The following CABIN1 variants were observed in gnomAD, a reference collection of about 807,000 sequenced individuals.
The protein encoded by CABIN1 is calcineurin binding protein 1, also known as calcineurin-binding protein cabin-1.
A neutral mutation model predicts 227.7 loss-of-function variants in CABIN1; 133 were observed. The observed-to-expected ratio is 0.58, with a 90% confidence interval of 0.51 to 0.67. The LOEUF (loss-of-function observed/expected upper bound fraction) is 0.67, where lower values mean the gene tolerates loss of function less well. CABIN1 is among the 30% of genes least tolerant of loss of function. The pLI is 0.00. For synonymous variants in CABIN1, 1,086 were observed against 1,155.1 expected, an observed-to-expected ratio of 0.94 and a Z score of 1.21; for missense variants, 2,408 against 2,852.5, an observed-to-expected ratio of 0.84 and a Z score of 3.55.
chr22:24,051,074 G>T (rs2038295805), intron 8 of CABIN1, 100 bp downstream of exon 8: 7 of 1,512,270 alleles, frequency 4.6e-6, no homozygotes, highest in Non-Finnish European at 2.7e-6. Flanking sequence ...GCTTGATCCT[G>T]GGTTGGTGGT....
intron 26 of CABIN1, among the ~76,000 whole-genome samples, chr22:24,105,133 CT>C (rs2042438055): frequency 6.6e-6 from 1 of 152,214 alleles, no homozygotes; most frequent in Non-Finnish European, 1.5e-5. Flanking sequence ...AACACAGAGT[CT>C]TTTCTCACAC....
chr22:24,170,761 C>A (rs549949045), intron 33 of CABIN1, among the ~76,000 whole-genome samples: 8 of 149,278 alleles, frequency 5.4e-5, no homozygotes, highest in South Asian at 2.2e-4. Flanking sequence ...TGCCCCCCCC[C>A]CCGCCCCCAT....
chr22:24,084,441 TG>T, intron 20 of CABIN1, 137 bp from the exon 21 acceptor site: 2 of 786,056 alleles, frequency 2.5e-6, no homozygotes, highest in Non-Finnish European at 4.5e-6. Context: ...TTAAGTATAA[TG>T]GGGATTTGTT....
intron 33 of CABIN1, 22 bp from the exon 34 acceptor site, chr22:24,171,691 C>CAAA: frequency 6.2e-7 from 1 of 1,613,812 alleles, no homozygotes. Flanking sequence ...CAGCCTTTCT[C>CAAA]ACCTCTTGTT....
At chr22:24,014,247 CTCTTT>C (rs1197010881) in intron 1 of CABIN1, among the ~76,000 whole-genome samples, 1 of 152,180 alleles carries the variant, frequency 6.6e-6, no homozygotes, top group African/African-American at 2.4e-5. Context: ...TACCCTCTCT[CTCTTT>C]TATTTATTTA....
chr22:24,066,907 T>C (rs2039721740), intron 15 of CABIN1, 80 bp from the exon 16 acceptor site: 3 of 1,402,596 alleles, frequency 2.1e-6, no homozygotes, highest in Non-Finnish European at 3.0e-6. Context: ...CCAAGTCTGA[T>C]AAAAACAAAC....
chr22:24,169,642 C>A (rs1556004288), intron 33 of CABIN1, among the ~76,000 whole-genome samples: 1 of 152,204 alleles, frequency 6.6e-6, no homozygotes, highest in Non-Finnish European at 1.5e-5. Flanking sequence ...GCTGTCTGGG[C>A]CCCAGTGCTG....
intron 29 of CABIN1, 77 bp from the exon 30 acceptor site, chr22:24,164,323 G>A: frequency 6.3e-7 from 1 of 1,575,730 alleles, no homozygotes; most frequent in Middle Eastern, 2.0e-4. Context: ...GCAGTTTCCA[G>A]GGGATACCAG....
chr22:24,116,726 AATG>A (rs1163899380), intron 27 of CABIN1, among the ~76,000 whole-genome samples: 1 of 152,078 alleles, frequency 6.6e-6, no homozygotes, highest in African/African-American at 2.4e-5. Context: ...GCTTTTCCAT[AATG>A]AGGCCCCCTG....
chr22:24,040,951 T>C (rs947343575), intron 4 of CABIN1, among the ~76,000 whole-genome samples, 188 bp from the exon 5 acceptor site: 2 of 152,318 alleles, frequency 1.3e-5, no homozygotes, highest in Middle Eastern at 3.4e-3. Flanking sequence ...TCTGTTCTTC[T>C]CTGTGCGCTT....
rs1389616388 is a variant in CABIN1, at chr22:24,091,664, G to A, written c.3607G>A (p.Glu1203Lys). 4 of 1,614,082 alleles carry A rather than the reference G, an allele frequency of 2.5e-6. No individual in the cohort carries two copies. The highest frequency in any genetic ancestry group is 1.1e-5 in the South Asian group (1 of 91,094). Residue 1203 changes from glutamate to lysine, a missense_variant, in exon 24 of 37, where the codon GAG becomes AAG. By Grantham distance (56) the Glu-to-Lys change is moderately conservative. Around this residue, in one of 3 missense-constraint regions of CABIN1, gnomAD observed 649 missense variants for 910.3 expected, o/e 0.71. Transcript: ENST00000263119. ...SAARCEGDGD[E>K]EEWLIHYMLG... ...AGCCCGCTGCGAGGGTGATGGTGAC[G>A]AGGAGGAGTGGCTCATCCACTACAT...
intron 29 of CABIN1, chr22:24,156,017 C>T (rs1225322629): frequency 3.5e-6 from 2 of 573,286 alleles, no homozygotes; most frequent in Non-Finnish European, 3.1e-6. Flanking sequence ...CGAGCCTCCG[C>T]GGCCATGGCC....
intron 8 of CABIN1, among the ~76,000 whole-genome samples, chr22:24,052,032 G>A (rs963633759): frequency 6.6e-5 from 10 of 152,112 alleles, no homozygotes; most frequent in African/African-American, 1.7e-4. Flanking sequence ...CTGGATTAGA[G>A]TCCTTCTCCC....
chr22:24,051,371 G>A (rs866088758), intron 8 of CABIN1, among the ~76,000 whole-genome samples: 22 of 152,064 alleles, frequency 1.4e-4, no homozygotes, highest in African/African-American at 3.6e-4. Flanking sequence ...GGGCTTCTCC[G>A]CTCTCAAGTC....
chr22:24,172,070 G>GT, intron 34 of CABIN1, 75 bp downstream of exon 34: 1 of 1,525,376 alleles, frequency 6.6e-7, no homozygotes, highest in Non-Finnish European at 8.8e-7. Flanking sequence ...GAGAGTGTGA[G>GT]TATGGGTAAG....
chr22:24,077,179 T>C (rs184319500), intron 19 of CABIN1, among the ~76,000 whole-genome samples: 8 of 152,282 alleles, frequency 5.3e-5, no homozygotes, highest in African/African-American at 1.9e-4. Flanking sequence ...TCCCTCCCAG[T>C]ACTCCCCATC....
intron 34 of CABIN1, among the ~76,000 whole-genome samples, chr22:24,174,171 A>G (rs2046983049): frequency 6.6e-6 from 1 of 151,340 alleles, no homozygotes; most frequent in Admixed American, 6.6e-5. Flanking sequence ...TCTGTTGCCC[A>G]GGCTGGAGTG....
chr22:24,065,744 G>T (rs1215157486), intron 15 of CABIN1, among the ~76,000 whole-genome samples: 2 of 152,282 alleles, frequency 1.3e-5, no homozygotes, highest in East Asian at 3.8e-4. Flanking sequence ...GACTCCGTCT[G>T]CAATCCCGGC....
intron 1 of CABIN1, among the ~76,000 whole-genome samples, chr22:24,029,090 C>T (rs1172497309): frequency 6.6e-6 from 1 of 152,178 alleles, no homozygotes; most frequent in Admixed American, 6.5e-5. Context: ...GGTACGGTGG[C>T]TCATACCTAT....
Sources: gnomAD v4.1 joint callset for allele counts (sites outside exome capture counted in the v4.1 genomes callset) on GRCh38, gnomAD v4.1.1 for gene constraint, gnomAD v4.1.1 regional missense constraint, MANE v1.5 for transcripts, NCBI Gene and HGNC (gene_info 2026-07-23, HGNC 2026-07-21) for gene names.